The following DNAJC11 variants were observed in gnomAD, a reference collection of about 807,000 sequenced individuals.
DNAJC11 encodes the protein dnaJ homolog subfamily C member 11.
Under a neutral mutation model 78.6 loss-of-function variants are expected in DNAJC11, and 15 were observed. That is an observed-to-expected ratio of 0.19 (90% CI 0.13 to 0.29). The LOEUF (loss-of-function observed/expected upper bound fraction) is 0.29, where lower values mean the gene tolerates loss of function less well. Ranked by LOEUF, DNAJC11 falls within the 10% of genes least tolerant of loss-of-function variation. The pLI is 1.00. For missense variants in DNAJC11, 547 were observed against 709.6 expected (o/e 0.77, Z 2.60); for synonymous variants, 292 against 272.1 (o/e 1.07, Z -0.72).
chr1:6,652,132 T>A (rs1377820399), intron 6 of DNAJC11, among the ~76,000 whole-genome samples: 1 of 152,232 alleles, frequency 6.6e-6, no homozygotes, highest in African/African-American at 2.4e-5. Flanking sequence ...GGCTGCCGTG[T>A]TTACTAGTCT....
At chr1:6,674,736 A>T (rs1455045524) in intron 3 of DNAJC11, among the ~76,000 whole-genome samples, 2 of 152,072 alleles carry the variant, frequency 1.3e-5, no homozygotes, top group African/African-American at 4.8e-5. Context: ...TCAAAAAAAA[A>T]AAAGTCTGAA....
chr1:6,696,520 C>T (rs1642839248), intron 1 of DNAJC11, among the ~76,000 whole-genome samples: 1 of 152,166 alleles, frequency 6.6e-6, no homozygotes, highest in African/African-American at 2.4e-5. Flanking sequence ...CCATCTGCAG[C>T]TCAAACTCAA....
At chr1:6,691,858 T>C (rs1293654248) in intron 1 of DNAJC11, among the ~76,000 whole-genome samples, 4 of 152,250 alleles carry the variant, frequency 2.6e-5, no homozygotes, top group Non-Finnish European at 5.9e-5. Context: ...AATGCAGCAA[T>C]GTTCTCAATT....
intron 3 of DNAJC11, among the ~76,000 whole-genome samples, chr1:6,673,195 CAAAA>C (rs70981399): frequency 5.1e-5 from 2 of 39,294 alleles, no homozygotes; most frequent in Non-Finnish European, 8.2e-5. Context: ...AACTCCATCT[CAAAA>C]AAAAAAAAAA....
chr1:6,645,713 A>C lies in DNAJC11; in HGVS notation c.894+76T>G. On this transcript the variant is annotated intron_variant, in intron 8 of 15. Transcript: ENST00000377577. The surrounding 1 kb of genome is among the most constrained non-coding windows in gnomAD (Gnocchi z 4.1). ...AGTGGTGATCAGGACGCAGGATTTA[A>C]GGGGAGCACTGAGTGCTTGGGAGGA... 1 of 1,524,778 alleles carries C rather than the reference A, an allele frequency of 6.6e-7. No individual in the cohort carries two copies. Among genetic ancestry groups the C allele is most frequent in the South Asian group, 1.2e-5 (1 of 83,914 alleles). 94.5% of individuals were successfully genotyped at this position (1,524,778 alleles called of 1,614,324 possible). A position where few individuals can be genotyped will look rare whatever the true frequency, so the allele number is the denominator to read the frequency against.
rs746459960 is a variant in DNAJC11 at position 6,635,704 on chromosome 1, T to TAA, written c.1655-6_1655-5dup. On this transcript the variant is annotated splice_region_variant and splice_polypyrimidine_tract_variant and intron_variant, in intron 15 of 15. Coordinates refer to ENST00000377577, the MANE Select transcript of DNAJC11 (RefSeq NM_018198.4). ...CCATCTGTATCGATCCTGTGGGCTG[T>TAA]AAAGGAAAAGACAGACGCAGGTGAT... 1.1e-5 allele frequency: 18 copies of TAA among 1,614,170 alleles called. No individual in the cohort carries two copies. Among genetic ancestry groups the TAA allele is most frequent in the Non-Finnish European group, 1.4e-5 (17 of 1,180,012 alleles).
chr1:6,652,665 T>C (rs1469088741), intron 6 of DNAJC11, among the ~76,000 whole-genome samples, 164 bp downstream of exon 6: 1 of 152,092 alleles, frequency 6.6e-6, no homozygotes, highest in Non-Finnish European at 1.5e-5. Context: ...ATGAGACCTA[T>C]TTTTCTTTTA....
At chr1:6,662,970 T>C (rs767416420) in intron 4 of DNAJC11, among the ~76,000 whole-genome samples, 15 of 152,300 alleles carry the variant, frequency 9.8e-5, no homozygotes, top group Middle Eastern at 3.4e-3. Flanking sequence ...CATGGCTTCA[T>C]TGTTGAAGTC....
Position 6,645,637 on chromosome 1 carries a change from AGT to A in DNAJC11, c.894+150_894+151del. ...CTCGAAGGTTCCACCAGGTCACTCG[AGT>A]GTGAGCACCGAGAGCCTGCCCCTCA... On this transcript the variant is annotated intron_variant, in intron 8 of 15. Transcript: ENST00000377577. The surrounding 1 kb of genome is among the most constrained non-coding windows in gnomAD (Gnocchi z 4.1). 1 of 856,682 alleles carries A rather than the reference AGT, an allele frequency of 1.2e-6. No homozygotes were observed. The highest frequency in any genetic ancestry group is 1.8e-6 in the Non-Finnish European group (1 of 556,764). 53.1% of individuals were successfully genotyped at this position (856,682 alleles called of 1,614,324 possible).
intron 7 of DNAJC11, chr1:6,651,251 C>CT (rs939809286): frequency 3.1e-6 from 2 of 636,628 alleles, no homozygotes; most frequent in Non-Finnish European, 6.1e-6. Context: ...TGAAGGCACT[C>CT]TTTCTCCGTG....
intron 12 of DNAJC11, 111 bp downstream of exon 12, chr1:6,638,184 G>A: frequency 9.4e-7 from 1 of 1,068,112 alleles, no homozygotes; most frequent in Non-Finnish European, 1.4e-6. Context: ...TAAGTGGAGA[G>A]CCAAGTTGTT....
rs962945995 is a variant in DNAJC11 at position 6,634,419 on chromosome 1, C to T, written c.*1256G>A. On this transcript the variant is annotated 3_prime_UTR_variant, in exon 16 of 16. Coordinates refer to ENST00000377577, the MANE Select transcript of DNAJC11 (RefSeq NM_018198.4). ...TTTTCAAAACCAGAGGAAGGAGGTTCTTAGCCGTTACTCAGATACCAGTGC... is the reference window on the plus strand; with the variant it reads ...TTTTCAAAACCAGAGGAAGGAGGTTTTTAGCCGTTACTCAGATACCAGTGC... 3.2e-6 allele frequency: 4 copies of T among 1,247,850 alleles called. No homozygotes were observed. In the Admixed American group the frequency reaches 8.5e-5, roughly 27 times the overall value. The allele number at this position is 1,247,850 out of a possible 1,614,324, so 77.3% of individuals were successfully genotyped here.
At chr1:6,695,263 G>A (rs1041192121) in intron 1 of DNAJC11, among the ~76,000 whole-genome samples, 1 of 151,730 alleles carries the variant, frequency 6.6e-6, no homozygotes, top group Non-Finnish European at 1.5e-5. Context: ...AGCCTCCTAA[G>A]GTGCTGGAAT....
intron 4 of DNAJC11, among the ~76,000 whole-genome samples, chr1:6,663,583 C>A (rs182775048): frequency 6.6e-6 from 1 of 152,044 alleles, no homozygotes; most frequent in African/African-American, 2.4e-5. Context: ...AACAGAAATC[C>A]GAAGATGGCA....
chr1:6,636,053 C>T (rs1641761311), intron 15 of DNAJC11, 64 bp downstream of exon 15: 2 of 1,551,456 alleles, frequency 1.3e-6, no homozygotes, highest in Admixed American at 3.8e-5. Flanking sequence ...AGCCCACACA[C>T]TGAGCAGCCG....
In DNAJC11 at chr1:6,637,353, T is replaced by C. The variant is rs1641797019; in HGVS notation, c.1382-13A>G. ...ACGATGATGAGGCCTAAGGACAGAC[T>C]CCGAGTAGAGGAAGGCCTCCTCCAG... On this transcript the variant is annotated splice_polypyrimidine_tract_variant and intron_variant, in intron 13 of 15. Transcript: ENST00000377577. 1.2e-6 allele frequency: 2 copies of C among 1,614,166 alleles called. No homozygotes were observed. The highest frequency in any genetic ancestry group is 1.7e-6 in the Non-Finnish European group (2 of 1,180,036).
Position 6,634,410 on chromosome 1 carries a change from AAGG to A in DNAJC11, c.*1262_*1264del. On this transcript the variant is annotated 3_prime_UTR_variant, in exon 16 of 16. Coordinates refer to ENST00000377577, the MANE Select transcript of DNAJC11 (RefSeq NM_018198.4). ...CCGAACTGCTTTTCAAAACCAGAGG[AAGG>A]AGGTTCTTAGCCGTTACTCAGATAC... The A allele has an allele frequency of 8.1e-7, 1 of 1,230,974 alleles. No homozygotes were observed. Among genetic ancestry groups the A allele is most frequent in the South Asian group, 1.4e-5 (1 of 69,376 alleles). The allele number at this position is 1,230,974 out of a possible 1,614,324, so 76.3% of individuals were successfully genotyped here.
intron 3 of DNAJC11, among the ~76,000 whole-genome samples, chr1:6,673,270 T>C (rs1007000517): frequency 4.1e-5 from 5 of 122,234 alleles, no homozygotes; most frequent in East Asian, 2.6e-4. Context: ...CCGGGCAACA[T>C]AGTGAGACCC....
rs554243541 is a variant in DNAJC11, at chr1:6,641,364, G to A, written c.1098-1307C>T. ...GCACTCCAGTCTGGGGTGCAAGAGC[G>A]AAACTCCGTCTCCAAAAAAAAAAAA... On this transcript the variant is annotated intron_variant, in intron 10 of 15. Transcript: ENST00000377577. Among the ~76,000 whole-genome samples, 28 of 127,560 alleles carry A rather than the reference G, an allele frequency of 2.2e-4. No individual in the cohort carries two copies. The South Asian group carries it at 3.9e-3, about 18-fold the overall frequency. 83.7% of individuals were successfully genotyped at this position (127,560 alleles called of 152,430 possible). A position where few individuals can be genotyped will look rare whatever the true frequency, so the allele number is the denominator to read the frequency against.
Sources: allele counts gnomAD v4.1 joint callset (sites outside exome capture counted in the v4.1 genomes callset), GRCh38; gene constraint gnomAD v4.1.1; non-coding constraint Gnocchi (gnomAD v3.1); transcripts MANE v1.5; gene names NCBI Gene and HGNC (gene_info 2026-07-23, HGNC 2026-07-21).